Variants in BTBD8 observed in about 807,000 individuals in gnomAD.
BTBD8 encodes BTB domain containing 8.
A neutral mutation model predicts 162.9 loss-of-function variants in BTBD8; 110 were observed. The observed-to-expected ratio is 0.68, with a 90% CI of 0.58 to 0.79. The LOEUF is 0.79. Ranked by LOEUF, BTBD8 falls within the 30% of genes least tolerant of loss-of-function variation. The probability of loss-of-function intolerance (pLI) is 0.00; values close to 1 mark genes in which losing one functional copy is unlikely to be tolerated. For missense variants in BTBD8, 1,905 were observed against 2,085.4 expected (o/e 0.91, Z 1.68); for synonymous variants, 667 against 716.1 (o/e 0.93, Z 1.10).
chr1:92,181,683 G>A lies in BTBD8; in HGVS notation c.4000G>A (p.Val1334Ile), dbSNP rs972178829. 6.4e-6 allele frequency: 10 copies of A among 1,551,388 alleles called. No homozygotes were observed. Among genetic ancestry groups the A allele is most frequent in the African/African-American group, 2.7e-5 (2 of 73,042 alleles). ...KKQSNNDLFQ[V>I]NSTSDDEIPR... ...GCAAAGTAATAATGATCTTTTCCAAGTTAATTCAACGAGTGATGATGAAAT... is the reference window on the plus strand; with the variant it reads ...GCAAAGTAATAATGATCTTTTCCAAATTAATTCAACGAGTGATGATGAAAT... Residue 1334 changes from valine (V) to isoleucine (I), a missense_variant, in exon 17 of 18, where the codon GTT becomes ATT. Around this residue, in one of 3 missense-constraint regions of BTBD8, gnomAD observed 517 missense variants for 606.6 expected, o/e 0.85. Transcript: ENST00000636805.
chr1:92,131,723 C>CAAA (rs1377974623), intron 5 of BTBD8, among the ~76,000 whole-genome samples: 14 of 80,090 alleles, frequency 1.7e-4, no homozygotes, highest in African/African-American at 5.6e-4. Flanking sequence ...GACTCTGTCT[C>CAAA]AAAAAAAAAA....
intron 2 of BTBD8, among the ~76,000 whole-genome samples, chr1:92,091,306 TAA>T (rs1289408870): frequency 6.6e-6 from 1 of 152,184 alleles, no homozygotes; most frequent in Non-Finnish European, 1.5e-5. Flanking sequence ...CCTTGATTGT[TAA>T]GTTTCATGAG....
intron 3 of BTBD8, among the ~76,000 whole-genome samples, chr1:92,106,906 G>A (rs976023870): frequency 2.6e-5 from 4 of 151,650 alleles, no homozygotes; most frequent in Non-Finnish European, 4.4e-5. Flanking sequence ...GGAGACCCCC[G>A]TCTATATAAA....
intron 5 of BTBD8, among the ~76,000 whole-genome samples, chr1:92,130,296 G>A (rs183212103): frequency 3.1e-4 from 47 of 152,198 alleles, no homozygotes; most frequent in African/African-American, 1.1e-3. Flanking sequence ...GGGGGTTAGG[G>A]CTTTACCATA....
intron 9 of BTBD8, among the ~76,000 whole-genome samples, chr1:92,152,273 G>A (rs1454420329): frequency 6.6e-6 from 1 of 152,106 alleles, no homozygotes; most frequent in East Asian, 1.9e-4. Flanking sequence ...AGACTATGAT[G>A]AGTACAAGCA....
intron 4 of BTBD8, among the ~76,000 whole-genome samples, chr1:92,117,293 A>G (rs995444192): frequency 6.6e-6 from 1 of 151,950 alleles, no homozygotes; most frequent in African/African-American, 2.4e-5. Context: ...GCCAGACATT[A>G]TAAATATTAT....
Position 92,140,842 on chromosome 1 carries a change from G to A in BTBD8, c.834-273G>A, listed in dbSNP as rs540829370. ...AAAGCAATTTCTTGGATTTTGTTCT[G>A]TATGTCACTTAGTATATGAAGGGAA... is the stretch of plus-strand genomic sequence containing the variant. On this transcript the variant is annotated intron_variant, in intron 6 of 17. Coordinates refer to ENST00000636805, the MANE Select transcript of BTBD8 (RefSeq NM_001376131.1). 3.9e-5 allele frequency among the ~76,000 whole-genome samples: 6 copies of A among 152,208 alleles called. No individual in the cohort carries two copies. The East Asian group carries it at 7.7e-4, about 20-fold the overall frequency.
chr1:92,097,731 G>T lies in BTBD8; in HGVS notation c.348-4742G>T, dbSNP rs565105010. On this transcript the variant is annotated intron_variant, in intron 2 of 17. Coordinates refer to ENST00000636805, the MANE Select transcript of BTBD8 (RefSeq NM_001376131.1). ...GTATCAATACTTTATTCCCTTTATGGCTGTATATTTTATTATATGATAAAT... is the reference window on the plus strand; with the variant it reads ...GTATCAATACTTTATTCCCTTTATGTCTGTATATTTTATTATATGATAAAT... Among the ~76,000 whole-genome samples, 50 of 152,152 alleles carry T rather than the reference G, an allele frequency of 3.3e-4. No homozygotes were observed. The South Asian group carries it at 0.01, about 32-fold the overall frequency.
chr1:92,108,224 G>T (rs1360627839), intron 4 of BTBD8, among the ~76,000 whole-genome samples: 2 of 152,192 alleles, frequency 1.3e-5, no homozygotes, highest in Non-Finnish European at 2.9e-5. Context: ...ACGTGCATAC[G>T]TTGGCCTACC....
In BTBD8 at chr1:92,102,508, A is replaced by T; in HGVS notation, c.383A>T (p.Tyr128Phe). 6.4e-7 allele frequency: 1 copy of T among 1,559,392 alleles called. No homozygotes were observed. The change falls in exon 3 of 18, where the codon TAT becomes TTT. Residue 128 changes from tyrosine (Y) to phenylalanine (F), a missense_variant. Around this residue, in one of 3 missense-constraint regions of BTBD8, gnomAD observed 1,374 missense variants for 1,442.7 expected, o/e 0.95. Coordinates refer to ENST00000636805, the MANE Select transcript of BTBD8 (RefSeq NM_001376131.1). ...IYSSNRNIKN[Y>F]EEEILRKKIM... is the part of the protein sequence containing the mutation. ...TCATCAAACAGAAACATAAAAAACT[A>T]TGAAGAGGAAATTCTTAGGAAAAAG... is the stretch of plus-strand genomic sequence containing the variant.
chr1:92,143,452 A>G (rs1272448233), intron 7 of BTBD8, among the ~76,000 whole-genome samples: 1 of 152,074 alleles, frequency 6.6e-6, no homozygotes. Context: ...TTTATTTTTA[A>G]TTATCAGTAC....
intron 6 of BTBD8, among the ~76,000 whole-genome samples, chr1:92,140,189 A>G (rs527689393): frequency 3.2e-4 from 48 of 151,604 alleles, no homozygotes; most frequent in African/African-American, 1.2e-3. Flanking sequence ...AGGGAGGCAG[A>G]GGCGGGAGGA....
intron 2 of BTBD8, among the ~76,000 whole-genome samples, chr1:92,100,963 G>A (rs959581003): frequency 3.3e-5 from 5 of 152,064 alleles, no homozygotes; most frequent in African/African-American, 1.2e-4. Flanking sequence ...GGGAACAGGT[G>A]GTGTTTGGTT....
At chr1:92,148,293 A>G (rs1327599281) in intron 9 of BTBD8, among the ~76,000 whole-genome samples, 5 of 152,202 alleles carry the variant, frequency 3.3e-5, no homozygotes, top group African/African-American at 1.2e-4. Context: ...ACCACCATCC[A>G]TGAACTTACA....
chr1:92,182,832 C>T (rs1650954351), intron 17 of BTBD8, among the ~76,000 whole-genome samples: 1 of 151,706 alleles, frequency 6.6e-6, no homozygotes, highest in Admixed American at 6.6e-5. Flanking sequence ...ATAGAGCTAA[C>T]CTACTAAGAG....
chr1:92,128,760 G>A (rs1444009412), intron 4 of BTBD8, among the ~76,000 whole-genome samples: 1 of 152,026 alleles, frequency 6.6e-6, no homozygotes, highest in Non-Finnish European at 1.5e-5. Context: ...TGTAATGTAG[G>A]CATTTATTTC....
At position 92,168,042 on chromosome 1, in the gene BTBD8, G is replaced by T; in HGVS notation, c.1443+57G>T. The T allele has an allele frequency of 4.9e-6, 7 of 1,438,638 alleles. No individual in the cohort carries two copies. In the South Asian group the frequency reaches 1.0e-4, roughly 21 times the overall value. The allele number at this position is 1,438,638 out of a possible 1,614,324, so 89.1% of individuals were successfully genotyped here. A position where few individuals can be genotyped will look rare whatever the true frequency, so the allele number is the denominator to read the frequency against. The stretch of plus-strand genomic sequence containing the variant: ...TGCAATATTTGAACTAAGATTTTTA[G>T]ATGTATGTGCATTTTAAATGTTGCA... On this transcript the variant is annotated intron_variant, in intron 11 of 17. Transcript: ENST00000636805.
At chr1:92,161,093 A>G (rs1010134276) in intron 9 of BTBD8, among the ~76,000 whole-genome samples, 1 of 152,122 alleles carries the variant, frequency 6.6e-6, no homozygotes, top group Non-Finnish European at 1.5e-5. Flanking sequence ...ATATTTCCCT[A>G]TCAGCTTCAA....
Position 92,135,132 on chromosome 1 carries a change from C to A in BTBD8, c.753-4218C>A, listed in dbSNP as rs367614530. 9.1e-4 allele frequency among the ~76,000 whole-genome samples: 138 copies of A among 152,084 alleles called. 1 individual carries two copies. In the South Asian group the frequency reaches 0.026, roughly 29 times the overall value. Reference sequence around the variant, plus strand: ...TCTCGACCTCCTGACCTCAGGTGATCCACCTCAGCCTTCCAAAGTGCTGGG... The same window carrying A: ...TCTCGACCTCCTGACCTCAGGTGATACACCTCAGCCTTCCAAAGTGCTGGG... On this transcript the variant is annotated intron_variant, in intron 5 of 17. Transcript: ENST00000636805.
Sources: gnomAD v4.1 joint callset for allele counts (sites outside exome capture counted in the v4.1 genomes callset) on GRCh38, gnomAD v4.1.1 for gene constraint, gnomAD v4.1.1 regional missense constraint, MANE v1.5 for transcripts, NCBI Gene and HGNC (gene_info 2026-07-23, HGNC 2026-07-21) for gene names.